Variants in MYO16 observed in about 807,000 individuals in gnomAD.
MYO16 encodes myosin XVI, also known as unconventional myosin-XVI.
A neutral mutation model predicts 205.3 loss-of-function variants in MYO16; 94 were observed. The ratio of observed to expected loss-of-function variants is 0.46; its 90% CI spans 0.39 to 0.54. MYO16 has a LOEUF of 0.54. Among genes scored for constraint, MYO16 ranks in the 20% least tolerant of loss-of-function variants. The probability of loss-of-function intolerance (pLI) is 0.00; values close to 1 mark genes in which losing one functional copy is unlikely to be tolerated. For synonymous variants in MYO16, 988 were observed against 954.0 expected (o/e 1.04, Z -0.66); for missense variants, 2,315 against 2,387.5 (o/e 0.97, Z 0.63).
intron 23 of MYO16, among the ~76,000 whole-genome samples, chr13:109,023,628 GACA>G (rs1566468097): frequency 2.0e-5 from 2 of 102,416 alleles, no homozygotes; most frequent in African/African-American, 7.7e-5. Flanking sequence ...CAAATATATA[GACA>G]AATATATATA....
chr13:108,829,292 T>C (rs1392647181), intron 9 of MYO16, among the ~76,000 whole-genome samples: 1 of 152,214 alleles, frequency 6.6e-6, no homozygotes, highest in Non-Finnish European at 1.5e-5. Flanking sequence ...AATATCTGCC[T>C]CATTGTAAGT....
chr13:108,545,711 G>A, the MYO16 span, among the ~76,000 whole-genome samples: 1 of 152,072 alleles, frequency 6.6e-6, no homozygotes, highest in Non-Finnish European at 1.5e-5. Flanking sequence ...GGTGTGAGAT[G>A]GCACATCACT....
At chr13:108,791,982 A>G (rs1210804283) in intron 5 of MYO16, among the ~76,000 whole-genome samples, 1 of 152,222 alleles carries the variant, frequency 6.6e-6, no homozygotes, top group African/African-American at 2.4e-5. Flanking sequence ...TGGCTGGTTC[A>G]TAGCAAACAC....
chr13:108,554,414 C>G, the MYO16 span, among the ~76,000 whole-genome samples: 4 of 152,260 alleles, frequency 2.6e-5, no homozygotes, highest in Admixed American at 6.5e-5. Context: ...GATGTTGGCT[C>G]CAAATGCTTA....
At chr13:109,023,188 A>G (rs1302748349) in intron 23 of MYO16, among the ~76,000 whole-genome samples, 1 of 126,666 alleles carries the variant, frequency 7.9e-6, no homozygotes, top group Non-Finnish European at 1.6e-5. Flanking sequence ...ATATATTTAT[A>G]TATTATATAT....
intron 16 of MYO16, among the ~76,000 whole-genome samples, chr13:108,952,767 T>C (rs1883205131): frequency 6.6e-6 from 1 of 152,214 alleles, no homozygotes; most frequent in Non-Finnish European, 1.5e-5. Flanking sequence ...GATATCTAGA[T>C]ACTGCCAGTG....
At chr13:108,531,477 G>T in the MYO16 span, among the ~76,000 whole-genome samples, 3 of 152,178 alleles carry the variant, frequency 2.0e-5, no homozygotes, top group Admixed American at 1.3e-4. Context: ...TTGGACTTGA[G>T]ATAGGTTTAA....
At chr13:108,668,261 T>C (rs1881827978) in intron 2 of MYO16, among the ~76,000 whole-genome samples, 1 of 152,204 alleles carries the variant, frequency 6.6e-6, no homozygotes, top group Admixed American at 6.5e-5. Context: ...TGTGAAACTA[T>C]GCAACCTAGT....
intron 2 of MYO16, among the ~76,000 whole-genome samples, chr13:108,690,871 G>T (rs983088225): frequency 1.3e-5 from 2 of 152,190 alleles, no homozygotes; most frequent in Non-Finnish European, 2.9e-5. Flanking sequence ...TATGAAATTT[G>T]TGGAGGTGGC....
At chr13:109,135,855 C>T (rs1231916749) in intron 31 of MYO16, among the ~76,000 whole-genome samples, 1 of 152,156 alleles carries the variant, frequency 6.6e-6, no homozygotes, top group East Asian at 1.9e-4. Context: ...TGAGTACTTC[C>T]GTGGGTCAGT....
At position 109,206,599 on chromosome 13, in the gene MYO16, C is replaced by A; in HGVS notation, c.5416-10C>A. ...GCTACCTGTTTTTTCTGCCCCTCTT[C>A]CTCCCACAGGTAATCCATCAGCTGA... is the stretch of plus-strand genomic sequence containing the variant. On this transcript the variant is annotated splice_polypyrimidine_tract_variant and intron_variant, in intron 34 of 34. Coordinates refer to ENST00000457511, the MANE Select transcript of MYO16 (RefSeq NM_001198950.3). 3 of 1,602,310 alleles carry A rather than the reference C, an allele frequency of 1.9e-6. No individual in the cohort carries two copies. Among genetic ancestry groups the A allele is most frequent in the Non-Finnish European group, 2.6e-6 (3 of 1,170,808 alleles).
At chr13:109,167,459 G>C (rs1357707276) in intron 33 of MYO16, among the ~76,000 whole-genome samples, 1 of 152,158 alleles carries the variant, frequency 6.6e-6, no homozygotes, top group Non-Finnish European at 1.5e-5. Context: ...ACAGAAAACA[G>C]CTGAGTGGTT....
At chr13:108,511,148 T>C in the MYO16 span, among the ~76,000 whole-genome samples, 1 of 90,704 alleles carries the variant, frequency 1.1e-5, no homozygotes, top group Non-Finnish European at 2.2e-5. Flanking sequence ...GTTTCCTGAC[T>C]TTTTAATGAT....
Position 108,855,446 on chromosome 13 carries a change from A to G in MYO16, c.1252A>G (p.Lys418Glu). The change falls in exon 11 of 35, where the codon AAG becomes GAG. Residue 418 changes from lysine (K) to glutamate (E), a missense_variant. Lys to Glu is a moderately conservative substitution (Grantham distance 56). This residue lies in a region of MYO16 where 1,213 missense variants were observed against 1,274.4 expected (regional missense o/e 0.95). Transcript: ENST00000457511. ...CATACTTTCGGTTCTTCCCCAGGTC[A>G]AGCTAATGCCTCCTGCCCCAAACGA... ...MSGSTKPEQVKLMPPAPNDDL... is the reference protein window; with the variant it reads ...MSGSTKPEQVELMPPAPNDDL... 6.4e-7 allele frequency: 1 copy of G among 1,566,682 alleles called. No individual in the cohort carries two copies. The highest frequency in any genetic ancestry group is 1.3e-5 in the African/African-American group (1 of 74,330).
intron 27 of MYO16, among the ~76,000 whole-genome samples, chr13:109,056,305 C>A (rs1022516890): frequency 6.6e-6 from 1 of 152,106 alleles, no homozygotes; most frequent in African/African-American, 2.4e-5. Context: ...CCCATGGTAG[C>A]CTTATCCCAG....
intron 34 of MYO16, among the ~76,000 whole-genome samples, chr13:109,183,797 C>T (rs1318095602): frequency 6.6e-6 from 1 of 152,154 alleles, no homozygotes; most frequent in Non-Finnish European, 1.5e-5. Context: ...AAACTAATGG[C>T]AATCTGGGAC....
Position 109,019,924 on chromosome 13 carries a change from A to G in MYO16, c.2796+13A>G, listed in dbSNP as rs747936864. The G allele has an allele frequency of 6.2e-7, 1 of 1,612,724 alleles. No homozygotes were observed. Among genetic ancestry groups the G allele is most frequent in the South Asian group, 1.1e-5 (1 of 90,748 alleles). On this transcript the variant is annotated intron_variant, in intron 23 of 34. Transcript: ENST00000457511. ...CTACGCAGGAAGGGTAAGTGGCCAG[A>G]ACTGCATAATTTTTCATGTGCACTA...
chr13:108,607,408 C>T (rs1473888182), intron 1 of MYO16, among the ~76,000 whole-genome samples: 1 of 151,990 alleles, frequency 6.6e-6, no homozygotes, highest in African/African-American at 2.4e-5. Flanking sequence ...GGGGTGGTTC[C>T]CCTATGCAGT....
intron 16 of MYO16, among the ~76,000 whole-genome samples, chr13:108,935,863 T>A (rs564027766): frequency 1.3e-5 from 2 of 152,084 alleles, no homozygotes; most frequent in African/African-American, 2.4e-5. Context: ...TATCAGAAAC[T>A]TTTTTTCACA....
Sources: allele counts gnomAD v4.1 joint callset (sites outside exome capture counted in the v4.1 genomes callset), GRCh38; gene constraint gnomAD v4.1.1; regional missense constraint gnomAD v4.1.1; transcripts MANE v1.5; gene names NCBI Gene and HGNC (gene_info 2026-07-23, HGNC 2026-07-21).